ARID4A: variants seen among roughly 807,000 people sequenced by gnomAD.
ARID4A encodes the protein AT-rich interaction domain 4A, also known as AT-rich interactive domain-containing protein 4A.
In ARID4A, 39 loss-of-function variants were observed where a neutral mutation model predicts 148.6. The ratio of observed to expected loss-of-function variants is 0.26; its 90% confidence interval spans 0.20 to 0.34. The LOEUF is 0.34. ARID4A is among the 10% of genes least tolerant of loss of function. ARID4A has a pLI of 1.00. For synonymous variants in ARID4A, 475 were observed against 481.2 expected (o/e 0.99, Z 0.17); for missense variants, 1,265 against 1,449.1 (o/e 0.87, Z 2.06).
At chr14:58,335,603 G>A (rs930602200) in intron 11 of ARID4A, among the ~76,000 whole-genome samples, 3 of 152,002 alleles carry the variant, frequency 2.0e-5, no homozygotes, top group South Asian at 2.1e-4. Context: ...ATGAGCCACC[G>A]TGCCCGGCCA....
chr14:58,343,581 C>A (rs2034215836), intron 11 of ARID4A, among the ~76,000 whole-genome samples: 2 of 152,122 alleles, frequency 1.3e-5, no homozygotes. Context: ...GTAATCCCAG[C>A]ACTTTGGGAG....
rs1385409334 is a variant in ARID4A, at chr14:58,372,687, C to T, written c.*698C>T. ...GAATTGTGAATAAGTTTTCAGTGGACTATCTTATCCCTTGACAAAAATATT... is the reference window on the plus strand; with the variant it reads ...GAATTGTGAATAAGTTTTCAGTGGATTATCTTATCCCTTGACAAAAATATT... On this transcript the variant is annotated 3_prime_UTR_variant, in exon 24 of 24. Coordinates refer to ENST00000355431, the MANE Select transcript of ARID4A (RefSeq NM_002892.4). The T allele has an allele frequency of 3.2e-5, 6 of 187,624 alleles. No individual in the cohort carries two copies. The East Asian group carries it at 3.5e-4, about 11-fold the overall frequency. The allele number at this position is 187,624 out of a possible 1,614,324, so 11.6% of individuals were successfully genotyped here.
intron 10 of ARID4A, 70 bp from the exon 11 acceptor site, chr14:58,329,933 T>C: frequency 6.5e-7 from 1 of 1,526,912 alleles, no homozygotes; most frequent in Non-Finnish European, 8.7e-7. Context: ...TGATTCTGAA[T>C]GCCATGCCTT....
chr14:58,356,399 G>T (rs928414506), intron 17 of ARID4A, among the ~76,000 whole-genome samples: 4 of 152,078 alleles, frequency 2.6e-5, no homozygotes, highest in Admixed American at 1.3e-4. Context: ...GAGAGCATTG[G>T]CCATGTTTAT....
chr14:58,307,044 A>G (rs983815545), intron 5 of ARID4A, among the ~76,000 whole-genome samples: 45 of 152,272 alleles, frequency 3.0e-4, no homozygotes, highest in Non-Finnish European at 1.2e-4. Flanking sequence ...ACCTTAAAGT[A>G]GTACTTAAAT....
At chr14:58,299,757 T>TA (rs1384845101) in intron 1 of ARID4A, 41 bp from the exon 2 acceptor site, 1 of 1,561,000 alleles carries the variant, frequency 6.4e-7, no homozygotes, top group Admixed American at 1.7e-5. Context: ...TCCCCGCAGT[T>TA]GACTGATTAT....
chr14:58,301,047 T>C (rs1351759535), intron 2 of ARID4A, among the ~76,000 whole-genome samples: 1 of 152,230 alleles, frequency 6.6e-6, no homozygotes, highest in African/African-American at 2.4e-5. Flanking sequence ...ATTCATCGGC[T>C]GAATTCAGAC....
Position 58,372,260 on chromosome 14 carries a change from A to G in ARID4A, c.*271A>G, listed in dbSNP as rs1345647779. ...TTTTCGTTTGTTGTGATATAGAACA[A>G]AGGGCACTTAGCAAATTTGAATTTG... On this transcript the variant is annotated 3_prime_UTR_variant, in exon 24 of 24. Transcript: ENST00000355431. 2 of 344,400 alleles carry G rather than the reference A, an allele frequency of 5.8e-6. No homozygotes were observed. The highest frequency in any genetic ancestry group is 4.2e-5 in the African/African-American group (2 of 47,884). The allele number at this position is 344,400 out of a possible 1,614,324, so 21.3% of individuals were successfully genotyped here.
In ARID4A at chr14:58,365,941, G is replaced by A. The variant is rs140859248; in HGVS notation, c.3317-83G>A. On this transcript the variant is annotated intron_variant, in intron 21 of 23. Coordinates refer to ENST00000355431, the MANE Select transcript of ARID4A (RefSeq NM_002892.4). ...TGCACTTATTTCTGTAGGATACCAA[G>A]AAATGTAATTGTTAGGTCTGTTGCA... 6,975 of 1,176,794 alleles carry A rather than the reference G, an allele frequency of 5.9e-3. 24 individuals carry two copies. Among genetic ancestry groups the A allele is most frequent in the Non-Finnish European group, 7.0e-3 (5,768 of 828,772 alleles). The allele number at this position is 1,176,794 out of a possible 1,614,324, so 72.9% of individuals were successfully genotyped here.
At chr14:58,329,216 T>C (rs2033384064) in intron 9 of ARID4A, among the ~76,000 whole-genome samples, 3 of 152,194 alleles carry the variant, frequency 2.0e-5, no homozygotes, top group Admixed American at 2.0e-4. Flanking sequence ...AAATAGACAT[T>C]GTTGTCTACA....
At chr14:58,335,796 T>C (rs1430752918) in intron 11 of ARID4A, among the ~76,000 whole-genome samples, 2 of 152,148 alleles carry the variant, frequency 1.3e-5, no homozygotes. Flanking sequence ...CTTAACCCCC[T>C]GTCCAATCAG....
At position 58,365,256 on chromosome 14, in the gene ARID4A, G is replaced by A. The variant is rs1196375716; in HGVS notation, c.3167G>A (p.Gly1056Asp). 23 of 1,613,946 alleles carry A rather than the reference G, an allele frequency of 1.4e-5. No individual in the cohort carries two copies. The highest frequency in any genetic ancestry group is 1.8e-5 in the Non-Finnish European group (21 of 1,179,920). Reference sequence around the variant, plus strand: ...GGATTTGAAACTAATGTTGCCTCTGGTACCTGTAGTATAATTGTACAAGAG... The same window carrying A: ...GGATTTGAAACTAATGTTGCCTCTGATACCTGTAGTATAATTGTACAAGAG... The part of the protein sequence containing the change: ...ANGFETNVAS[G>D]TCSIIVQERE... Residue 1056 changes from glycine to aspartate, a missense_variant, in exon 20 of 24, where the codon GGT becomes GAT. Gly to Asp is a moderately conservative substitution (Grantham distance 94, BLOSUM62 -1). Coordinates refer to ENST00000355431, the MANE Select transcript of ARID4A (RefSeq NM_002892.4).
chr14:58,302,971 T>A (rs1367961488), intron 3 of ARID4A, among the ~76,000 whole-genome samples: 1 of 151,986 alleles, frequency 6.6e-6, no homozygotes, highest in African/African-American at 2.4e-5. Context: ...AAAAAAAAAT[T>A]TTTTTTTAAG....
At position 58,306,006 on chromosome 14, in the gene ARID4A, G is replaced by T; in HGVS notation, c.184-16G>T. ...TTGTTTAAATTTGGTAAGGAAATTG[G>T]GATTTCACATTTTAGGTTGGAGCTA... On this transcript the variant is annotated splice_polypyrimidine_tract_variant and intron_variant, in intron 4 of 23. Transcript: ENST00000355431. 6.2e-7 allele frequency: 1 copy of T among 1,602,024 alleles called. No homozygotes were observed. Among genetic ancestry groups the T allele is most frequent in the South Asian group, 1.1e-5 (1 of 90,688 alleles).
At chr14:58,357,870 A>G (rs753681934) in intron 17 of ARID4A, among the ~76,000 whole-genome samples, 1 of 152,200 alleles carries the variant, frequency 6.6e-6, no homozygotes. Flanking sequence ...TTTGCCCCTG[A>G]TTAGTCACTT....
At position 58,328,568 on chromosome 14, in the gene ARID4A, AT is replaced by A. The variant is rs1382670379; in HGVS notation, c.662+258del. Among the ~76,000 whole-genome samples the A allele has an allele frequency of 3.3e-5, 5 of 152,058 alleles. No homozygotes were observed. In the South Asian group the frequency reaches 8.3e-4, roughly 25 times the overall value. On this transcript the variant is annotated intron_variant, in intron 9 of 23. Coordinates refer to ENST00000355431, the MANE Select transcript of ARID4A (RefSeq NM_002892.4). ...TTTTTTTTAGCAAAAGATGGTATTG[AT>A]TTTTTCCTTAATTGTAAAATTCTAT...
chr14:58,299,165 G>C (rs1201402383), intron 1 of ARID4A, among the ~76,000 whole-genome samples: 1 of 152,152 alleles, frequency 6.6e-6, no homozygotes, highest in African/African-American at 2.4e-5. Context: ...CCCACACCCT[G>C]TCCGGGCCAC....
rs1229222121 is a variant in ARID4A at position 58,347,044 on chromosome 14, C to A, written c.1099C>A (p.Gln367Lys). 1 of 1,474,426 alleles carries A rather than the reference C, an allele frequency of 6.8e-7. No individual in the cohort carries two copies. The highest frequency in any genetic ancestry group is 1.5e-5 in the African/African-American group (1 of 64,922). 91.3% of individuals were successfully genotyped at this position (1,474,426 alleles called of 1,614,324 possible). The change falls in exon 14 of 24, where the codon CAA (glutamine) becomes AAA (lysine). Residue 367 changes from glutamine to lysine, a missense_variant. This residue lies in a region of ARID4A where 249 missense variants were observed against 277.2 expected (regional missense o/e 0.90). Transcript: ENST00000355431. The part of the protein sequence containing the change: ...DNIDSGAVWK[Q>K]IYMDLGIPIL... ...GATTGATAGTGGTGCTGTATGGAAG[C>A]AAATTTATATGGACCTTGGCATTCC...
At chr14:58,349,981 C>T (rs1363757619) in intron 15 of ARID4A, among the ~76,000 whole-genome samples, 9 of 151,074 alleles carry the variant, frequency 6.0e-5, no homozygotes, top group South Asian at 2.1e-4. Context: ...TGGTGGTGCG[C>T]GCCTGTAGTC....
Sources: allele counts gnomAD v4.1 joint callset (sites outside exome capture counted in the v4.1 genomes callset), GRCh38; gene constraint gnomAD v4.1.1; regional missense constraint gnomAD v4.1.1; transcripts MANE v1.5; gene names NCBI Gene and HGNC (gene_info 2026-07-23, HGNC 2026-07-21).